Variants in ATP13A5 observed in about 807,000 individuals in gnomAD.
ATP13A5 encodes the protein ATPase 13A5.
ATP13A5 carries 149 observed loss-of-function variants against 150.2 expected under a neutral mutation model. The observed-to-expected ratio is 0.99, with a 90% CI of 0.87 to 1.14. The LOEUF (loss-of-function observed/expected upper bound fraction) is 1.14. ATP13A5 is among the 50% of genes most tolerant of loss of function. The pLI, the probability that ATP13A5 is intolerant of heterozygous loss-of-function variation, is 0.00. For synonymous variants in ATP13A5, 497 were observed against 522.2 expected (o/e 0.95, Z 0.66); for missense variants, 1,383 against 1,449.3 (o/e 0.95, Z 0.74).
chr3:193,349,805 A>T (rs1168821673), intron 7 of ATP13A5, among the ~76,000 whole-genome samples: 1 of 152,162 alleles, frequency 6.6e-6, no homozygotes, highest in East Asian at 1.9e-4. Context: ...CTGATTTAAA[A>T]AAATTCTTTC....
At chr3:193,319,248 A>G (rs1225664692) in intron 16 of ATP13A5, 140 bp from the exon 17 acceptor site, 1 of 628,794 alleles carries the variant, frequency 1.6e-6, no homozygotes. Context: ...AGCTTCTCCT[A>G]AAGGCCACAA....
chr3:193,319,657 C>G (rs147316354), intron 16 of ATP13A5, among the ~76,000 whole-genome samples: 1 of 152,182 alleles, frequency 6.6e-6, no homozygotes, highest in East Asian at 1.9e-4. Flanking sequence ...ATAGCACAAG[C>G]TGACTCAGAC....
At chr3:193,286,925 C>T (rs1332104245) in intron 26 of ATP13A5, among the ~76,000 whole-genome samples, 2 of 152,034 alleles carry the variant, frequency 1.3e-5, no homozygotes, top group South Asian at 4.1e-4. Flanking sequence ...AAGTGTTATT[C>T]CAGTGAACAC....
intron 16 of ATP13A5, among the ~76,000 whole-genome samples, chr3:193,321,442 C>T (rs1483251518): frequency 6.6e-6 from 1 of 151,972 alleles, no homozygotes; most frequent in Admixed American, 6.6e-5. Context: ...ACCAGCCTGG[C>T]CTACATGGTG....
intron 25 of ATP13A5, among the ~76,000 whole-genome samples, chr3:193,295,081 T>A (rs1189992392): frequency 6.6e-6 from 1 of 152,114 alleles, no homozygotes; most frequent in Non-Finnish European, 1.5e-5. Context: ...TAATTTTACA[T>A]TGATCATCAA....
At chr3:193,293,413 C>T (rs1227942464) in intron 25 of ATP13A5, among the ~76,000 whole-genome samples, 2 of 152,116 alleles carry the variant, frequency 1.3e-5, no homozygotes, top group African/African-American at 2.4e-5. Flanking sequence ...CAACACATTA[C>T]TCACATTGCT....
rs374589724 is a variant in ATP13A5 at position 193,311,721 on chromosome 3, G to A, written c.2445+95C>T. On this transcript the variant is annotated intron_variant, in intron 20 of 29. Coordinates refer to ENST00000342358, the MANE Select transcript of ATP13A5 (RefSeq NM_198505.4). ...GGGGTGTTTATTCTCTAACTGTGAG[G>A]CAACCTCAGTGATCACTGTTTTCAA... 3.5e-5 allele frequency: 53 copies of A among 1,515,568 alleles called. No individual in the cohort carries two copies. The African/African-American group carries it at 7.3e-4, about 21-fold the overall frequency. 93.9% of individuals were successfully genotyped at this position (1,515,568 alleles called of 1,614,324 possible).
intron 5 of ATP13A5, among the ~76,000 whole-genome samples, chr3:193,355,908 C>T (rs1413699105): frequency 2.6e-5 from 4 of 152,142 alleles, no homozygotes; most frequent in African/African-American, 4.8e-5. Context: ...TACTCAGCCT[C>T]GGAGAGCCAG....
intron 1 of ATP13A5, among the ~76,000 whole-genome samples, chr3:193,366,419 A>C (rs894750954): frequency 1.3e-5 from 2 of 152,072 alleles, no homozygotes; most frequent in Non-Finnish European, 2.9e-5. Context: ...ATACTGGGCA[A>C]ACAGTGGAAG....
At chr3:193,344,724 C>T (rs554455812) in intron 8 of ATP13A5, among the ~76,000 whole-genome samples, 22 of 152,228 alleles carry the variant, frequency 1.4e-4, no homozygotes, top group Admixed American at 1.4e-3. Flanking sequence ...GTAAGAATGA[C>T]GGAATGAGGG....
At chr3:193,330,976 T>G in intron 12 of ATP13A5, 147 bp downstream of exon 12, 1 of 723,116 alleles carries the variant, frequency 1.4e-6, no homozygotes, top group East Asian at 2.6e-5. Flanking sequence ...GAATGTGATC[T>G]TGCACTAGCT....
intron 23 of ATP13A5, among the ~76,000 whole-genome samples, chr3:193,303,304 G>C (rs1191595068): frequency 1.3e-5 from 2 of 152,010 alleles, no homozygotes; most frequent in Non-Finnish European, 2.9e-5. Context: ...TTTTCAAGTT[G>C]CAACTCCCCT....
Position 193,325,634 on chromosome 3 carries a change from C to T in ATP13A5, c.1524-620G>A, listed in dbSNP as rs111957390. ...GAAGTCTCTAGGGCTACTTAGGGAG[C>T]AGGAAATTAGGGATAGGAAAGAAGG... On this transcript the variant is annotated intron_variant, in intron 13 of 29. Coordinates refer to ENST00000342358, the MANE Select transcript of ATP13A5 (RefSeq NM_198505.4). Among the ~76,000 whole-genome samples the T allele has an allele frequency of 5.6e-3, 850 of 152,262 alleles. 12 individuals are homozygous for T. Among genetic ancestry groups the T allele is most frequent in the African/African-American group, 0.02 (816 of 41,534 alleles).
chr3:193,359,266 T>C (rs1712910906), intron 5 of ATP13A5, among the ~76,000 whole-genome samples: 1 of 152,100 alleles, frequency 6.6e-6, no homozygotes, highest in African/African-American at 2.4e-5. Flanking sequence ...AGGGCTCTTT[T>C]CTAGAGGTGG....
At chr3:193,352,044 A>C (rs1305251712) in intron 6 of ATP13A5, among the ~76,000 whole-genome samples, 1 of 152,182 alleles carries the variant, frequency 6.6e-6, no homozygotes, top group East Asian at 1.9e-4. Flanking sequence ...TTTTCTGAGA[A>C]AGTGTTCTTT....
chr3:193,356,699 TCCAACAA>T (rs1712803845), intron 5 of ATP13A5, among the ~76,000 whole-genome samples: 1 of 152,244 alleles, frequency 6.6e-6, no homozygotes. Context: ...TTTTCTCCCT[TCCAACAA>T]CCTTTCTTTT....
At chr3:193,363,070 C>T (rs911130188) in intron 3 of ATP13A5, among the ~76,000 whole-genome samples, 166 bp downstream of exon 3, 1 of 152,080 alleles carries the variant, frequency 6.6e-6, no homozygotes, top group African/African-American at 2.4e-5. Flanking sequence ...CCAAAAGTGC[C>T]GGGATTACAG....
chr3:193,378,468 G>A lies in ATP13A5; in HGVS notation c.63+195C>T, dbSNP rs570047122. Reference sequence around the variant, plus strand: ...GAATTCTATCATCCAGAGGTCACAAGTTTCTCAGCCCCTGCAGGTTTCCCC... The same window carrying A: ...GAATTCTATCATCCAGAGGTCACAAATTTCTCAGCCCCTGCAGGTTTCCCC... On this transcript the variant is annotated intron_variant, in intron 1 of 29. Coordinates refer to ENST00000342358, the MANE Select transcript of ATP13A5 (RefSeq NM_198505.4). Among the ~76,000 whole-genome samples the A allele has an allele frequency of 7.9e-5, 12 of 152,298 alleles. No individual in the cohort carries two copies. In the East Asian group the frequency reaches 2.3e-3, roughly 29 times the overall value.
At chr3:193,299,243 C>T in intron 24 of ATP13A5, 40 bp from the exon 25 acceptor site, 2 of 1,471,358 alleles carry the variant, frequency 1.4e-6, no homozygotes, top group South Asian at 1.2e-5. Flanking sequence ...GTGGCATCTG[C>T]CATCATAGCC....
Sources: allele counts gnomAD v4.1 joint callset (sites outside exome capture counted in the v4.1 genomes callset), GRCh38; gene constraint gnomAD v4.1.1; transcripts MANE v1.5; gene names NCBI Gene and HGNC (gene_info 2026-07-23, HGNC 2026-07-21).